The following CDH18 variants were observed in gnomAD, a reference collection of about 807,000 sequenced individuals.
The protein encoded by CDH18 is cadherin 18, also known as cadherin-18.
A neutral mutation model predicts 67.9 loss-of-function variants in CDH18; 31 were observed. The observed-to-expected ratio is 0.46, with a 90% CI of 0.34 to 0.62. The LOEUF is 0.62. Among genes scored for constraint, CDH18 ranks in the 20% least tolerant of loss-of-function variants. CDH18 has a pLI of 0.01. For synonymous variants in CDH18, 362 were observed against 347.2 expected (o/e 1.04, Z -0.48); for missense variants, 890 against 975.5 (o/e 0.91, Z 1.17).
At chr5:20,324,564 G>A (rs184520315) in intron 1 of CDH18, among the ~76,000 whole-genome samples, 2 of 133,250 alleles carry the variant, frequency 1.5e-5, no homozygotes, top group South Asian at 2.4e-4. Context: ...CAAAACATTT[G>A]TAGGGGGAAA....
intron 10 of CDH18, among the ~76,000 whole-genome samples, chr5:19,512,313 G>A (rs990333833): frequency 4.4e-4 from 67 of 152,104 alleles, no homozygotes; most frequent in African/African-American, 1.2e-3. Flanking sequence ...TAATTAGTCC[G>A]AAAACAATGT....
At chr5:19,743,335 T>C (rs1413336527) in intron 4 of CDH18, among the ~76,000 whole-genome samples, 1 of 152,174 alleles carries the variant, frequency 6.6e-6, no homozygotes, top group Admixed American at 6.5e-5. Context: ...CATCCTCTAA[T>C]TGTTCCTTGC....
At chr5:20,162,441 A>G (rs891220427) in intron 2 of CDH18, among the ~76,000 whole-genome samples, 4 of 147,606 alleles carry the variant, frequency 2.7e-5, no homozygotes, top group Non-Finnish European at 4.5e-5. Flanking sequence ...ATTATATATA[A>G]TGTATATATA....
At chr5:19,738,560 G>C (rs1297046128) in intron 4 of CDH18, among the ~76,000 whole-genome samples, 1 of 152,132 alleles carries the variant, frequency 6.6e-6, no homozygotes, top group Non-Finnish European at 1.5e-5. Context: ...TTTAAAACAT[G>C]ATGTACCAAT....
At chr5:19,499,919 G>T (rs1233541845) in intron 11 of CDH18, among the ~76,000 whole-genome samples, 1 of 152,070 alleles carries the variant, frequency 6.6e-6, no homozygotes, top group Non-Finnish European at 1.5e-5. Context: ...TCGGGGCTAT[G>T]TCTGATTTCT....
chr5:20,070,546 C>T (rs1056167319), intron 2 of CDH18, among the ~76,000 whole-genome samples: 1 of 151,834 alleles, frequency 6.6e-6, no homozygotes. Context: ...GAATGAGTGC[C>T]GAAGAAATGG....
intron 1 of CDH18, among the ~76,000 whole-genome samples, chr5:20,488,673 T>TTATATACATATATATA: frequency 7.9e-6 from 1 of 126,980 alleles, no homozygotes; most frequent in Non-Finnish European, 1.7e-5. Context: ...GGGTAGTGTT[T>TTATATACATATATATA]TATATATATA....
At chr5:19,984,563 G>GA (rs1226127323) in intron 1 of CDH18, among the ~76,000 whole-genome samples, 1 of 152,086 alleles carries the variant, frequency 6.6e-6, no homozygotes, top group Admixed American at 6.6e-5. Flanking sequence ...TAGAATAACT[G>GA]AAAGACTCAG....
At chr5:19,951,603 T>A (rs1364589360) in intron 2 of CDH18, among the ~76,000 whole-genome samples, 3 of 151,524 alleles carry the variant, frequency 2.0e-5, no homozygotes, top group Non-Finnish European at 1.5e-5. Flanking sequence ...TTAATTATGA[T>A]ACCTTATTTT....
intron 5 of CDH18, among the ~76,000 whole-genome samples, chr5:19,674,769 C>T (rs1176831413): frequency 6.6e-6 from 1 of 151,996 alleles, no homozygotes; most frequent in African/African-American, 2.4e-5. Context: ...GTAGCAAAAA[C>T]TTAAATTTGG....
At chr5:20,413,529 T>C (rs1474873398) in intron 1 of CDH18, among the ~76,000 whole-genome samples, 1 of 152,214 alleles carries the variant, frequency 6.6e-6, no homozygotes, top group African/African-American at 2.4e-5. Context: ...TATTATCTCA[T>C]TGTGGTTTTG....
At chr5:19,753,847 A>G (rs1771172988) in intron 3 of CDH18, among the ~76,000 whole-genome samples, 1 of 152,142 alleles carries the variant, frequency 6.6e-6, no homozygotes, top group African/African-American at 2.4e-5. Context: ...CAAAACAACT[A>G]TCAGCCAAGA....
intron 2 of CDH18, among the ~76,000 whole-genome samples, chr5:20,243,320 A>G (rs1743131106): frequency 6.6e-6 from 1 of 152,168 alleles, no homozygotes; most frequent in Admixed American, 6.5e-5. Context: ...TAGCAGCAAA[A>G]TCCTACATAA....
rs577526443 is a variant in CDH18, at chr5:20,017,814, C to T, written c.-517-25800G>A. On this transcript the variant is annotated intron_variant, in intron 2 of 14. Coordinates refer to the CDH18 transcript ENST00000507958. Reference sequence around the variant, plus strand: ...TGGATGAAAACTTTTCTCTTAGTCACGCTGTTAAGGATGTTCACATCCCTT... The same window carrying T: ...TGGATGAAAACTTTTCTCTTAGTCATGCTGTTAAGGATGTTCACATCCCTT... Among the ~76,000 whole-genome samples, 158 of 152,254 alleles carry T rather than the reference C, an allele frequency of 1.0e-3. 1 individual carries two copies. In the South Asian group the frequency reaches 0.031, roughly 30 times the overall value.
chr5:20,156,677 A>G (rs930025365), intron 2 of CDH18, among the ~76,000 whole-genome samples: 10 of 152,100 alleles, frequency 6.6e-5, no homozygotes, highest in Non-Finnish European at 1.5e-4. Context: ...TAAACACTAT[A>G]TCCATGTGAC....
chr5:19,720,028 G>T (rs2150572945), intron 5 of CDH18, among the ~76,000 whole-genome samples: 1 of 152,174 alleles, frequency 6.6e-6, no homozygotes, highest in Non-Finnish European at 1.5e-5. Flanking sequence ...AGCACTCCAG[G>T]AAAAGAAAGA....
At chr5:19,964,491 G>A (rs1316558647) in intron 2 of CDH18, among the ~76,000 whole-genome samples, 2 of 151,380 alleles carry the variant, frequency 1.3e-5, no homozygotes, top group African/African-American at 4.8e-5. Flanking sequence ...CCAGCTACTT[G>A]AGGGGCTGAG....
intron 1 of CDH18, among the ~76,000 whole-genome samples, chr5:20,382,627 A>G (rs1469054848): frequency 6.6e-6 from 1 of 152,186 alleles, no homozygotes; most frequent in Non-Finnish European, 1.5e-5. Context: ...AAAGATGAAC[A>G]GGAGGAATGG....
chr5:20,562,842 T>C (rs1022655049), intron 1 of CDH18, among the ~76,000 whole-genome samples: 6 of 151,986 alleles, frequency 3.9e-5, no homozygotes, highest in Non-Finnish European at 8.8e-5. Flanking sequence ...TTAGCACTTC[T>C]ACATCTTTAA....
Sources: gnomAD v4.1 joint callset for allele counts (sites outside exome capture counted in the v4.1 genomes callset) on GRCh38, gnomAD v4.1.1 for gene constraint, MANE v1.5 for transcripts, NCBI Gene and HGNC (gene_info 2026-07-23, HGNC 2026-07-21) for gene names.